Variants in EPB41L1 observed in about 807,000 individuals in gnomAD.
The protein encoded by EPB41L1 is band 4.1-like protein 1.
In EPB41L1, 29 loss-of-function variants were observed where a neutral mutation model predicts 97.8. The observed-to-expected ratio is 0.30, with a 90% CI of 0.22 to 0.40. The LOEUF is 0.40. EPB41L1 is among the 10% of genes least tolerant of loss of function. The pLI, the probability that EPB41L1 is intolerant of heterozygous loss-of-function variation, is 1.00. For synonymous variants in EPB41L1, 383 were observed against 459.2 expected, an observed-to-expected ratio of 0.83 and a Z score of 2.12; for missense variants, 812 against 1,162.3, an observed-to-expected ratio of 0.70 and a Z score of 4.38.
At chr20:36,179,415 G>A (rs1319245158) in intron 5 of EPB41L1, among the ~76,000 whole-genome samples, 2 of 152,240 alleles carry the variant, frequency 1.3e-5, no homozygotes, top group Admixed American at 6.5e-5. Context: ...AGGTCACAGA[G>A]CCAAATGTTG....
chr20:36,203,331 G>A (rs951921570), intron 14 of EPB41L1, among the ~76,000 whole-genome samples: 2 of 152,236 alleles, frequency 1.3e-5, no homozygotes, highest in East Asian at 3.8e-4. Flanking sequence ...TAAGGATAAC[G>A]ATATCTGCTT....
At position 36,092,357 on chromosome 20, in the gene EPB41L1, C is replaced by T. The variant is rs2057683582; in HGVS notation, c.-65+745C>T. Reference sequence around the variant, plus strand: ...CTCTTCTTCGCCCGGCCTCTGAGCCCGCCGCAGCTCAGGTTGACGCCGGGC... The same window carrying T: ...CTCTTCTTCGCCCGGCCTCTGAGCCTGCCGCAGCTCAGGTTGACGCCGGGC... On this transcript the variant is annotated intron_variant, in intron 1 of 19. Transcript: ENST00000202028. This position sits in a 1 kb window ranked among gnomAD's most constrained non-coding sequence, Gnocchi z 7.0. Among the ~76,000 whole-genome samples the T allele has an allele frequency of 6.6e-6, 1 of 152,152 alleles. No individual in the cohort carries two copies. Among genetic ancestry groups the T allele is most frequent in the African/African-American group, 2.4e-5 (1 of 41,442 alleles).
intron 1 of EPB41L1, among the ~76,000 whole-genome samples, chr20:36,163,817 G>C (rs186891604): frequency 1.8e-4 from 28 of 152,032 alleles, no homozygotes; most frequent in Middle Eastern, 3.4e-3. Context: ...ATACACCCAG[G>C]ATCTCTCTCC....
chr20:36,103,616 A>G (rs1469430933), intron 1 of EPB41L1, among the ~76,000 whole-genome samples: 2 of 152,192 alleles, frequency 1.3e-5, no homozygotes, highest in African/African-American at 4.8e-5. Context: ...AAATGCTGAT[A>G]AAAGCATTGT....
chr20:36,108,172 G>A (rs1010970068), intron 1 of EPB41L1, among the ~76,000 whole-genome samples: 2 of 151,740 alleles, frequency 1.3e-5, no homozygotes, highest in Admixed American at 6.6e-5. Context: ...TAGAGACAAG[G>A]TCTTGCTATG....
In EPB41L1 at chr20:36,093,857, C is replaced by A. The variant is rs1011184480; in HGVS notation, c.-65+2245C>A. 6.6e-6 allele frequency among the ~76,000 whole-genome samples: 1 copy of A among 152,210 alleles called. No homozygotes were observed. Among genetic ancestry groups the A allele is most frequent in the South Asian group, 2.1e-4 (1 of 4,816 alleles). On this transcript the variant is annotated intron_variant, in intron 1 of 19. Transcript: ENST00000202028. The surrounding 1 kb of genome is among the most constrained non-coding windows in gnomAD (Gnocchi z 5.4). ...TGTCCCCTCCGGCCTCCCCCCAGCC[C>A]CCCACCAGACCTAGCCTGTGCCAGT...
At chr20:36,136,480 C>A (rs922014968) in intron 2 of EPB41L1, among the ~76,000 whole-genome samples, 1 of 151,548 alleles carries the variant, frequency 6.6e-6, no homozygotes, top group Non-Finnish European at 1.5e-5. Flanking sequence ...ATGCCTGGTC[C>A]ATCTTAACCA....
intron 18 of EPB41L1, among the ~76,000 whole-genome samples, chr20:36,219,419 G>A (rs935275080): frequency 6.6e-6 from 1 of 152,148 alleles, no homozygotes; most frequent in Non-Finnish European, 1.5e-5. Flanking sequence ...CGCAGAGAGC[G>A]TGCACCTGGC....
chr20:36,105,262 A>G (rs2058152896), intron 1 of EPB41L1, among the ~76,000 whole-genome samples: 2 of 152,108 alleles, frequency 1.3e-5, no homozygotes, highest in African/African-American at 4.8e-5. Context: ...AGGGGAAGAA[A>G]CCAGGGCTTC....
intron 1 of EPB41L1, among the ~76,000 whole-genome samples, chr20:36,110,447 G>C (rs1007687648): frequency 6.6e-6 from 1 of 152,132 alleles, no homozygotes; most frequent in Admixed American, 6.6e-5. Context: ...CTTCTCTCCT[G>C]CCCAGTCCCC....
Position 36,125,349 on chromosome 20 carries a change from C to T in EPB41L1, c.-10+12869C>T. ...AGATGCTTGGATTTCTATTTGAGCC[C>T]CTCCCCTTATCAACCGTGTGACTTC... On this transcript the variant is annotated intron_variant, in intron 2 of 19. Transcript: ENST00000202028. The T allele has an allele frequency of 5.8e-6, 4 of 684,138 alleles. No homozygotes were observed. In the South Asian group the frequency reaches 6.2e-5, roughly 11 times the overall value. 42.4% of individuals were successfully genotyped at this position (684,138 alleles called of 1,614,324 possible). A position where few individuals can be genotyped will look rare whatever the true frequency, so the allele number is the denominator to read the frequency against.
At chr20:36,125,668 G>A (rs1689385374) in intron 2 of EPB41L1, 1 of 1,326,382 alleles carries the variant, frequency 7.5e-7, no homozygotes, top group African/African-American at 1.5e-5. Context: ...TGGAGTGGCA[G>A]GTGGGTCCAG....
chr20:36,166,907 T>G (rs2060761386), intron 1 of EPB41L1, among the ~76,000 whole-genome samples: 1 of 152,128 alleles, frequency 6.6e-6, no homozygotes, highest in Non-Finnish European at 1.5e-5. Context: ...CCAGCATGCT[T>G]GCTTAATGGA....
chr20:36,222,038 G>T (rs563399178), intron 20 of EPB41L1, 94 bp downstream of exon 20: 2 of 1,332,194 alleles, frequency 1.5e-6, no homozygotes, highest in Non-Finnish European at 2.2e-6. Flanking sequence ...CTCATGGGCA[G>T]AGAAGGTGTC....
chr20:36,125,802 A>G (rs1403203986), intron 2 of EPB41L1, among the ~76,000 whole-genome samples: 1 of 152,132 alleles, frequency 6.6e-6, no homozygotes, highest in Non-Finnish European at 1.5e-5. Flanking sequence ...ATGAATTGGA[A>G]GGGTAAGGCT....
chr20:36,116,115 C>T (rs1294521225), intron 2 of EPB41L1, among the ~76,000 whole-genome samples: 2 of 152,094 alleles, frequency 1.3e-5, no homozygotes, highest in East Asian at 3.8e-4. Flanking sequence ...GTGATTGTGA[C>T]ACAGTCAGCA....
chr20:36,177,864 T>C (rs2061315815), intron 3 of EPB41L1, 88 bp from the exon 4 acceptor site: 2 of 1,110,200 alleles, frequency 1.8e-6, no homozygotes, highest in South Asian at 2.6e-5. Context: ...CTTGGGGTTT[T>C]TGAATTGTCC....
chr20:36,199,237 G>A (rs539676629), intron 14 of EPB41L1, among the ~76,000 whole-genome samples: 22 of 152,148 alleles, frequency 1.4e-4, no homozygotes, highest in East Asian at 7.7e-4. Context: ...TAGGGGCACC[G>A]AGACCCAGAA....
intron 2 of EPB41L1, among the ~76,000 whole-genome samples, chr20:36,120,178 T>C (rs2058708341): frequency 6.6e-6 from 1 of 152,254 alleles, no homozygotes; most frequent in African/African-American, 2.4e-5. Context: ...TTATAAGTGA[T>C]TCATTTCTGT....
Sources: gnomAD v4.1 joint callset for allele counts (sites outside exome capture counted in the v4.1 genomes callset) on GRCh38, gnomAD v4.1.1 for gene constraint, Gnocchi (gnomAD v3.1) non-coding constraint, MANE v1.5 for transcripts, NCBI Gene and HGNC (gene_info 2026-07-23, HGNC 2026-07-21) for gene names.